The following GPRIN2 variants were observed in gnomAD, a reference collection of about 807,000 sequenced individuals.
GPRIN2 encodes the protein G protein-regulated inducer of neurite outgrowth 2.
GPRIN2 carries 1 observed loss-of-function variant against 0.3 expected under a neutral mutation model. That is an observed-to-expected ratio of 3.90 (90% confidence interval 1.39 to 18.51). The LOEUF (loss-of-function observed/expected upper bound fraction) is 18.51. Among genes scored for constraint, GPRIN2 ranks in the 30% most tolerant of loss-of-function variants. GPRIN2 has a pLI of 0.11. For missense variants in GPRIN2, 880 were observed against 604.2 expected (o/e 1.46, Z -4.79); for synonymous variants, 361 against 258.6 (o/e 1.40, Z -3.80).
At position 46,549,045 on chromosome 10, in the gene GPRIN2, G is replaced by A; in HGVS notation, c.*315C>T. On this transcript the variant is annotated 3_prime_UTR_variant, in exon 3 of 3. Coordinates refer to ENST00000374314, the MANE Select transcript of GPRIN2 (RefSeq NM_001385282.1). Reference sequence around the variant, plus strand: ...GGCAACATGGCAGAGTTCTGAGGGTGGAGTGAACAAAAGGTCATTTTTTAC... The same window carrying A: ...GGCAACATGGCAGAGTTCTGAGGGTAGAGTGAACAAAAGGTCATTTTTTAC... The A allele has an allele frequency of 5.0e-6, 2 of 396,808 alleles. No homozygotes were observed. Among genetic ancestry groups the A allele is most frequent in the East Asian group, 3.8e-5 (1 of 26,116 alleles). The allele number at this position is 396,808 out of a possible 1,614,324, so 24.6% of individuals were successfully genotyped here. A position where few individuals can be genotyped will look rare whatever the true frequency, so the allele number is the denominator to read the frequency against.
Position 46,549,930 on chromosome 10 carries a change from C to T in GPRIN2, c.807G>A (p.Gly269=). 1.2e-6 allele frequency: 2 copies of T among 1,614,292 alleles called. No individual in the cohort carries two copies. Among genetic ancestry groups the T allele is most frequent in the Non-Finnish European group, 1.7e-6 (2 of 1,180,062 alleles). The change falls in exon 3 of 3, where the codon GGG becomes GGA. Residue 269 remains glycine (G), a synonymous_variant. Transcript: ENST00000374314. ...TCTTCACCCCATGCTGAGCCTGCAGCCCAGACTCGCTCACTGACGCCACTA... is the reference window on the plus strand; with the variant it reads ...TCTTCACCCCATGCTGAGCCTGCAGTCCAGACTCGCTCACTGACGCCACTA... ...PKLVASVSES[G]LQAQHGVKIH...
In GPRIN2 at chr10:46,542,603, G is replaced by T. The variant is rs536708258; in HGVS notation, c.*6757C>A. ...AGTTTCCTGAGGCTCCCCGGGCCAC[G>T]TGGAACTGTGAGTCAATTAAACCTC... On this transcript the variant is annotated 3_prime_UTR_variant, in exon 3 of 3. Coordinates refer to ENST00000374314, the MANE Select transcript of GPRIN2 (RefSeq NM_001385282.1). 6.6e-6 allele frequency among the ~76,000 whole-genome samples: 1 copy of T among 152,306 alleles called. No individual in the cohort carries two copies.
chr10:46,556,693 G>A (rs927691296), upstream of GPRIN2, among the ~76,000 whole-genome samples: 1 of 152,114 alleles, frequency 6.6e-6, no homozygotes, highest in African/African-American at 2.4e-5. Flanking sequence ...GCACCGGGGC[G>A]GCGGGAGGGG....
chr10:46,546,139 G>A lies in GPRIN2; in HGVS notation c.*3221C>T, dbSNP rs1272674237. Among the ~76,000 whole-genome samples, 3 of 152,300 alleles carry A rather than the reference G, an allele frequency of 2.0e-5. No homozygotes were observed. Among genetic ancestry groups the A allele is most frequent in the Non-Finnish European group, 4.4e-5 (3 of 68,052 alleles). ...GCTTTTCCACCACCACCAGCACTGT[G>A]ACCTCAGACCAGCTCTACTCTATGA... On this transcript the variant is annotated 3_prime_UTR_variant, in exon 3 of 3. Transcript: ENST00000374314.
intron 2 of GPRIN2, among the ~76,000 whole-genome samples, chr10:46,552,532 G>A (rs1842729797): frequency 6.6e-6 from 1 of 152,312 alleles, no homozygotes; most frequent in Admixed American, 6.5e-5. Flanking sequence ...TGGCAGCCCA[G>A]CACTCAGGAG....
In GPRIN2 at chr10:46,546,485, C is replaced by T. The variant is rs1769063926; in HGVS notation, c.*2875G>A. On this transcript the variant is annotated 3_prime_UTR_variant, in exon 3 of 3. Transcript: ENST00000374314. ...CTGCTGGGGTCTGGCAAAGCTCTCACCTCCAAATTTGTATCTGTTTTGAAT... is the reference window on the plus strand; with the variant it reads ...CTGCTGGGGTCTGGCAAAGCTCTCATCTCCAAATTTGTATCTGTTTTGAAT... Among the ~76,000 whole-genome samples the T allele has an allele frequency of 6.6e-6, 1 of 152,312 alleles. No individual in the cohort carries two copies. The highest frequency in any genetic ancestry group is 6.5e-5 in the Admixed American group (1 of 15,294).
At position 46,544,844 on chromosome 10, in the gene GPRIN2, C is replaced by T. The variant is rs1333966162; in HGVS notation, c.*4516G>A. On this transcript the variant is annotated 3_prime_UTR_variant, in exon 3 of 3. Coordinates refer to ENST00000374314, the MANE Select transcript of GPRIN2 (RefSeq NM_001385282.1). The stretch of plus-strand genomic sequence containing the variant: ...TGGATCTTAACAGATCAGACTTAAA[C>T]TAATTTGCCCATGATGACCGTGTGG... Among the ~76,000 whole-genome samples the T allele has an allele frequency of 6.6e-6, 1 of 152,304 alleles. No homozygotes were observed. Among genetic ancestry groups the T allele is most frequent in the Non-Finnish European group, 1.5e-5 (1 of 68,058 alleles).
rs1832744133 is a variant in GPRIN2 at position 46,549,365 on chromosome 10, CG to C, written c.1371del (p.Glu458SerfsTer14). On this transcript the variant is annotated frameshift_variant, in exon 3 of 3. Coordinates refer to ENST00000374314, the MANE Select transcript of GPRIN2 (RefSeq NM_001385282.1). LOFTEE classifies it high-confidence loss of function. ...GCTCCAAGGGCCACAGCTCCTCACT[CG>C]GGGGCCGCGCCGGAGCAGCCGCAGC... is the stretch of plus-strand genomic sequence containing the variant. ...PSCCGCSGAA[P>X]E The C allele has an allele frequency of 4.7e-6, 7 of 1,474,130 alleles. No homozygotes were observed. Among genetic ancestry groups the C allele is most frequent in the Non-Finnish European group, 6.3e-6 (7 of 1,114,938 alleles). The allele number at this position is 1,474,130 out of a possible 1,614,324, so 91.3% of individuals were successfully genotyped here.
rs1842072573 is a variant in GPRIN2 at position 46,545,437 on chromosome 10, C to A, written c.*3923G>T. Among the ~76,000 whole-genome samples the A allele has an allele frequency of 6.6e-6, 1 of 152,312 alleles. No homozygotes were observed. Among genetic ancestry groups the A allele is most frequent in the Admixed American group, 6.5e-5 (1 of 15,294 alleles). ...ATCACACCCTGCCTTGCCTTCTGCC[C>A]CTCCCTTAACTTGCTCTCCCCTCCC... On this transcript the variant is annotated 3_prime_UTR_variant, in exon 3 of 3. Coordinates refer to ENST00000374314, the MANE Select transcript of GPRIN2 (RefSeq NM_001385282.1).
At position 46,542,298 on chromosome 10, in the gene GPRIN2, G is replaced by T. The variant is rs1335773511; in HGVS notation, c.*7062C>A. Among the ~76,000 whole-genome samples, 3 of 152,312 alleles carry T rather than the reference G, an allele frequency of 2.0e-5. No homozygotes were observed. The East Asian group carries it at 5.8e-4, about 29-fold the overall frequency. ...TTGGGCCTTGCTCAGGCCTGGGAGG[G>T]TGATATGCTTTGGCTGTGTCCCCAC... On this transcript the variant is annotated 3_prime_UTR_variant, in exon 3 of 3. Coordinates refer to ENST00000374314, the MANE Select transcript of GPRIN2 (RefSeq NM_001385282.1).
At chr10:46,557,537 G>A (rs1831736723), upstream of GPRIN2, among the ~76,000 whole-genome samples, 14 of 152,420 alleles carry the variant, frequency 9.2e-5, no homozygotes, top group Non-Finnish European at 1.6e-4. Flanking sequence ...GTGACCGTGC[G>A]GGGATGAGCC....
In GPRIN2 at chr10:46,549,191, A is replaced by G. The variant is rs1832762549; in HGVS notation, c.*169T>C. 869,066 of 871,850 alleles carry G rather than the reference A, an allele frequency of 1. 433,141 individuals are homozygous for G. The highest frequency in any genetic ancestry group is 1 in the East Asian group (33,307 of 33,308). 54.0% of individuals were successfully genotyped at this position (871,850 alleles called of 1,614,324 possible). ...CCTTAAGAAAACAGCCCAGCTGTGT[A>G]GGGCCGGAAGCCCCAGGCTGCAGTC... On this transcript the variant is annotated 3_prime_UTR_variant, in exon 3 of 3. Coordinates refer to ENST00000374314, the MANE Select transcript of GPRIN2 (RefSeq NM_001385282.1).
chr10:46,543,916 C>G lies in GPRIN2; in HGVS notation c.*5444G>C, dbSNP rs1293819970. On this transcript the variant is annotated 3_prime_UTR_variant, in exon 3 of 3. Transcript: ENST00000374314. ...CTTGGGACAAGGCAGTCAGACCCCACCACCCATCCCCAATCCTATGGGCCC... is the reference window on the plus strand; with the variant it reads ...CTTGGGACAAGGCAGTCAGACCCCAGCACCCATCCCCAATCCTATGGGCCC... Among the ~76,000 whole-genome samples, 5 of 152,410 alleles carry G rather than the reference C, an allele frequency of 3.3e-5. No homozygotes were observed. Among genetic ancestry groups the G allele is most frequent in the Admixed American group, 6.5e-5 (1 of 15,314 alleles).
chr10:46,557,263 C>A (rs1831745966), upstream of GPRIN2, among the ~76,000 whole-genome samples: 1 of 152,426 alleles, frequency 6.6e-6, no homozygotes, highest in South Asian at 2.1e-4. Flanking sequence ...GACCCACCGT[C>A]CCATCCTCTG....
rs782407923 is a variant in GPRIN2, at chr10:46,550,698, G to C, written c.39C>G (p.Pro13=). The C allele has an allele frequency of 6.6e-7, 1 of 1,514,196 alleles. No individual in the cohort carries two copies. Among genetic ancestry groups the C allele is most frequent in the Non-Finnish European group, 8.8e-7 (1 of 1,134,042 alleles). 93.8% of individuals were successfully genotyped at this position (1,514,196 alleles called of 1,614,324 possible). The change falls in exon 3 of 3, where the codon CCC becomes CCG. Residue 13 remains proline (P), a synonymous_variant. Coordinates refer to ENST00000374314, the MANE Select transcript of GPRIN2 (RefSeq NM_001385282.1). ...SSRPEPGPWA[P]LSPRLQPLSQ... ...ACAGGGGCTGAAGGCGGGGGCTCAGGGGTGCCCAGGGACCCGGCTCGGGGC... is the reference window on the plus strand; with the variant it reads ...ACAGGGGCTGAAGGCGGGGGCTCAGCGGTGCCCAGGGACCCGGCTCGGGGC...
In GPRIN2 at chr10:46,547,759, C is replaced by G. The variant is rs904130348; in HGVS notation, c.*1601G>C. Among the ~76,000 whole-genome samples, 2 of 152,424 alleles carry G rather than the reference C, an allele frequency of 1.3e-5. No homozygotes were observed. The highest frequency in any genetic ancestry group is 4.8e-5 in the African/African-American group (2 of 41,608). On this transcript the variant is annotated 3_prime_UTR_variant, in exon 3 of 3. Transcript: ENST00000374314. Reference sequence around the variant, plus strand: ...ACTCCCCAGAACGTGAGCTGCCTGCCCTGGCACCATACACAAAGGGACTGA... The same window carrying G: ...ACTCCCCAGAACGTGAGCTGCCTGCGCTGGCACCATACACAAAGGGACTGA...
chr10:46,549,959 T>C lies in GPRIN2; in HGVS notation c.778A>G (p.Lys260Glu), dbSNP rs1832537615. 3.7e-6 allele frequency: 6 copies of C among 1,614,268 alleles called. No homozygotes were observed. The highest frequency in any genetic ancestry group is 5.1e-6 in the Non-Finnish European group (6 of 1,180,046). ...LPATGILAFP[K>E]LVASVSESGL... The stretch of plus-strand genomic sequence containing the variant: ...GACTCGCTCACTGACGCCACTAGTT[T>C]GGGAAAGGCCAGGATCCCTGTGGCA... Residue 260 changes from lysine (K) to glutamate (E), a missense_variant, in exon 3 of 3, where the codon AAA becomes GAA. Physicochemically the swap from Lys to Glu is moderately conservative, Grantham distance 56. Coordinates refer to ENST00000374314, the MANE Select transcript of GPRIN2 (RefSeq NM_001385282.1).
chr10:46,556,146 G>A (rs1843192309), intron 1 of GPRIN2, among the ~76,000 whole-genome samples: 2 of 152,302 alleles, frequency 1.3e-5, no homozygotes, highest in Admixed American at 6.5e-5. Flanking sequence ...CAGCAAGGCT[G>A]GGGGCGGGGT....
chr10:46,550,468 C>T lies in GPRIN2; in HGVS notation c.269G>A (p.Trp90Ter), dbSNP rs1832359872. The change falls in exon 3 of 3, where the codon TGG becomes TAG. Residue 90 changes from tryptophan to a stop codon, truncating the protein, a stop_gained. Coordinates refer to ENST00000374314, the MANE Select transcript of GPRIN2 (RefSeq NM_001385282.1). LOFTEE classifies it low-confidence loss of function (END_TRUNC). ...CACATTGCCCACAGTGCTGCTCCAC[C>T]AGTGGCCTCCAGCACTGGGTCGCGC... The part of the protein sequence containing the change: ...PKARPSAGGH[W>*]WSSTVGNVST... 3.1e-6 allele frequency: 5 copies of T among 1,611,242 alleles called. No homozygotes were observed. Among genetic ancestry groups the T allele is most frequent in the East Asian group, 2.2e-5 (1 of 44,822 alleles).
Sources: allele counts gnomAD v4.1 joint callset (sites outside exome capture counted in the v4.1 genomes callset), GRCh38; gene constraint gnomAD v4.1.1; transcripts MANE v1.5; gene names NCBI Gene and HGNC (gene_info 2026-07-23, HGNC 2026-07-21).